The following PHF8 variants were observed in gnomAD, a reference collection of about 807,000 sequenced individuals.
PHF8 encodes PHD finger protein 8, also known as histone lysine demethylase PHF8.
PHF8 carries 9 observed loss-of-function variants against 74.4 expected under a neutral mutation model. The observed-to-expected ratio is 0.12, with a 90% CI of 0.07 to 0.21. The LOEUF is 0.21. Among genes scored for constraint, PHF8 ranks in the 10% least tolerant of loss-of-function variants. The probability of loss-of-function intolerance (pLI) is 1.00; values close to 1 mark genes in which losing one functional copy is unlikely to be tolerated. For missense variants in PHF8, 478 were observed against 816.6 expected, an observed-to-expected ratio of 0.59 and a Z score of 5.05; for synonymous variants, 311 against 316.6, an observed-to-expected ratio of 0.98 and a Z score of 0.19.
chrX:54,035,081 G>A (rs1384466844), intron 2 of PHF8, among the ~76,000 whole-genome samples: 6 of 111,094 alleles, frequency 5.4e-5, no homozygotes, highest in African/African-American at 9.8e-5. Context: ...AGTTTCAACC[G>A]GACATGGTGG....
At chrX:54,028,428 G>A (rs2066304184) in intron 2 of PHF8, among the ~76,000 whole-genome samples, 1 of 110,905 alleles carries the variant, frequency 9.0e-6, no homozygotes, top group African/African-American at 3.3e-5. Context: ...CCTTTTTCCC[G>A]ATGAACTCTT....
chrX:54,004,800 G>A (rs782126047), intron 8 of PHF8, among the ~76,000 whole-genome samples: 13 of 108,527 alleles, frequency 1.2e-4, no homozygotes, highest in Non-Finnish European at 1.7e-4. Context: ...ATGGTGGTGC[G>A]TGCCTGTAAT....
rs978624564 is a variant in PHF8, at chrX:53,947,966, C to T, written c.2540-3723G>A. On this transcript the variant is annotated intron_variant, in intron 19 of 21. Coordinates refer to ENST00000338154, the MANE Select transcript of PHF8 (RefSeq NM_015107.3). The stretch of plus-strand genomic sequence containing the variant: ...CTCAAACTCTTGGCCAACAAGTCAC[C>T]CCCAGCCTTCAAAGTTTTTCCAGCT... Among the ~76,000 whole-genome samples, 4 of 111,662 alleles carry T rather than the reference C, an allele frequency of 3.6e-5. No individual in the cohort carries two copies. In the Admixed American group the frequency reaches 3.8e-4, roughly 11 times the overall value.
At position 54,008,862 on chromosome X, in the gene PHF8, T is replaced by C. The variant is rs782042493; in HGVS notation, c.946+2260A>G. 5.4e-5 allele frequency among the ~76,000 whole-genome samples: 6 copies of C among 110,447 alleles called. No individual in the cohort carries two copies. The South Asian group carries it at 2.3e-3, about 43-fold the overall frequency. On this transcript the variant is annotated intron_variant, in intron 8 of 21. Coordinates refer to ENST00000338154, the MANE Select transcript of PHF8 (RefSeq NM_015107.3). ...TGAATAAAGAGTGACTGCTAATGAG[T>C]ATAGGGTTTTTTTAAAAAACAATGA... is the stretch of plus-strand genomic sequence containing the variant.
chrX:54,033,034 T>G (rs1280656961), intron 2 of PHF8, among the ~76,000 whole-genome samples: 8 of 110,934 alleles, frequency 7.2e-5, no homozygotes, highest in African/African-American at 2.3e-4. Context: ...GCAGACCGAC[T>G]AGAGACAGCA....
At chrX:54,006,419 C>T (rs1340412329) in intron 8 of PHF8, among the ~76,000 whole-genome samples, 3 of 110,288 alleles carry the variant, frequency 2.7e-5, no homozygotes, top group African/African-American at 9.9e-5. Context: ...GAGGTCAAGG[C>T]TGTGGTGAGC....
chrX:54,022,884 T>C, intron 2 of PHF8, 41 bp from the exon 3 acceptor site: 1 of 900,699 alleles, frequency 1.1e-6, no homozygotes. Flanking sequence ...GGAAATTTTA[T>C]TTTTTATGAG....
At chrX:54,036,856 T>C (rs1458172111) in intron 2 of PHF8, among the ~76,000 whole-genome samples, 2 of 107,897 alleles carry the variant, frequency 1.9e-5, no homozygotes, top group African/African-American at 3.4e-5. Context: ...AAAAATTAGC[T>C]GGGCGTGGTG....
At chrX:54,001,994 T>C (rs932930318) in intron 10 of PHF8, among the ~76,000 whole-genome samples, 161 bp downstream of exon 10, 13 of 111,041 alleles carry the variant, frequency 1.2e-4, no homozygotes, top group Admixed American at 8.7e-4. Context: ...TTTTTAAAAA[T>C]TGAACATATT....
Position 54,022,786 on chromosome X carries a change from G to T in PHF8, c.156C>A (p.Asn52Lys), listed in dbSNP as rs781786649. ...TGGAGGGCCCATGCAAGACTTCACAGTTGGGGCAGTGGTAGAGGTCAATGT... is the reference window on the plus strand; with the variant it reads ...TGGAGGGCCCATGCAAGACTTCACATTTGGGGCAGTGGTAGAGGTCAATGT... Reference protein sequence around the residue: ...AADIDLYHCPNCEVLHGPSIM... With the variant: ...AADIDLYHCPKCEVLHGPSIM... The change falls in exon 3 of 22, where the codon AAC (asparagine) becomes AAA (lysine). Residue 52 changes from asparagine (N) to lysine (K), a missense_variant. By Grantham distance (94) the Asn-to-Lys change is moderately conservative. Coordinates refer to ENST00000338154, the MANE Select transcript of PHF8 (RefSeq NM_015107.3). The T allele has an allele frequency of 1.7e-6, 2 of 1,195,549 alleles. No homozygotes were observed. Among genetic ancestry groups the T allele is most frequent in the East Asian group, 5.9e-5 (2 of 33,795 alleles).
intron 20 of PHF8, among the ~76,000 whole-genome samples, chrX:53,942,143 C>CA (rs1407856805): frequency 1.8e-5 from 2 of 112,016 alleles, no homozygotes; most frequent in East Asian, 5.6e-4. Context: ...TCCCGTTGCT[C>CA]AAAAAGCTGT....
intron 18 of PHF8, among the ~76,000 whole-genome samples, chrX:53,975,824 TTAA>T (rs2065364982): frequency 9.0e-6 from 1 of 111,494 alleles, no homozygotes; most frequent in African/African-American, 3.3e-5. Flanking sequence ...GAAATTACAG[TTAA>T]TAATTTACTG....
intron 18 of PHF8, among the ~76,000 whole-genome samples, chrX:53,978,071 G>A (rs1557096744): frequency 9.3e-6 from 1 of 107,251 alleles, no homozygotes; most frequent in African/African-American, 3.4e-5. Flanking sequence ...TCAGCCTCCT[G>A]AGTAGCTGGG....
chrX:54,040,936 C>T (rs2066541622), intron 2 of PHF8, among the ~76,000 whole-genome samples: 1 of 111,978 alleles, frequency 8.9e-6, no homozygotes, highest in Admixed American at 9.5e-5. Context: ...TAACATGAGG[C>T]AGTAAAACAG....
At chrX:54,009,091 T>C (rs1049220808) in intron 8 of PHF8, among the ~76,000 whole-genome samples, 1 of 111,091 alleles carries the variant, frequency 9.0e-6, no homozygotes, top group Non-Finnish European at 1.9e-5. Context: ...GGCAGGAGAA[T>C]CACTTGAACC....
At chrX:53,970,402 T>C (rs782078297) in intron 18 of PHF8, among the ~76,000 whole-genome samples, 8 of 112,127 alleles carry the variant, frequency 7.1e-5, no homozygotes, top group Non-Finnish European at 1.3e-4. Context: ...CACACTGAAG[T>C]ATACAGACCA....
At chrX:54,003,518 A>G (rs2065855219) in intron 8 of PHF8, among the ~76,000 whole-genome samples, 2 of 111,103 alleles carry the variant, frequency 1.8e-5, no homozygotes, top group Non-Finnish European at 3.8e-5. Flanking sequence ...CTAGCTGGGC[A>G]TGGTGGCAGG....
intron 18 of PHF8, among the ~76,000 whole-genome samples, chrX:53,984,055 A>G (rs1395532590): frequency 1.8e-5 from 2 of 112,771 alleles, no homozygotes; most frequent in Non-Finnish European, 3.7e-5. Flanking sequence ...CCATATTTGT[A>G]TAACTTTTGA....
chrX:53,944,735 G>A (rs782077557), intron 19 of PHF8, among the ~76,000 whole-genome samples: 18 of 112,118 alleles, frequency 1.6e-4, no homozygotes, highest in Non-Finnish European at 9.4e-5. Context: ...AGAACAATAA[G>A]CCAGGCCAGG....
Sources: allele counts gnomAD v4.1 joint callset (sites outside exome capture counted in the v4.1 genomes callset), GRCh38; gene constraint gnomAD v4.1.1; transcripts MANE v1.5; gene names NCBI Gene and HGNC (gene_info 2026-07-23, HGNC 2026-07-21).